Variants in TAFA2 observed in about 807,000 individuals in gnomAD.
The protein encoded by TAFA2 is chemokine-like protein TAFA-2.
A neutral mutation model predicts 18.8 loss-of-function variants in TAFA2; 7 were observed. That is an observed-to-expected ratio of 0.37 (90% CI 0.21 to 0.70). The LOEUF (loss-of-function observed/expected upper bound fraction) is 0.70, where lower values mean the gene tolerates loss of function less well. Ranked by LOEUF, TAFA2 falls within the 30% of genes least tolerant of loss-of-function variation. TAFA2 has a pLI of 0.53. For missense variants in TAFA2, 122 were observed against 158.1 expected, an observed-to-expected ratio of 0.77 and a Z score of 1.23; for synonymous variants, 60 against 54.2, an observed-to-expected ratio of 1.11 and a Z score of -0.47.
chr12:62,137,789 C>T (rs1305622412), intron 1 of TAFA2, among the ~76,000 whole-genome samples: 1 of 152,088 alleles, frequency 6.6e-6, no homozygotes, highest in Non-Finnish European at 1.5e-5. Context: ...CAAAGTGATG[C>T]TTTAAGAACA....
At chr12:62,081,196 C>CA (rs956695000) in intron 1 of TAFA2, among the ~76,000 whole-genome samples, 23 of 151,234 alleles carry the variant, frequency 1.5e-4, no homozygotes, top group Admixed American at 2.0e-4. Flanking sequence ...CTCCATCTCA[C>CA]AAAAAAAATT....
At chr12:62,255,582 G>A (rs1181389960) in intron 1 of TAFA2, among the ~76,000 whole-genome samples, 1 of 152,192 alleles carries the variant, frequency 6.6e-6, no homozygotes, top group East Asian at 1.9e-4. Flanking sequence ...GCCAGGCACA[G>A]TGGCTCATGC....
At chr12:62,104,087 T>C in intron 1 of TAFA2, among the ~76,000 whole-genome samples, 1 of 152,194 alleles carries the variant, frequency 6.6e-6, no homozygotes, top group East Asian at 1.9e-4. Context: ...TCCTACAATA[T>C]AATTGAAAGC....
intron 1 of TAFA2, among the ~76,000 whole-genome samples, chr12:62,213,449 C>A (rs898866681): frequency 2.6e-5 from 4 of 152,072 alleles, no homozygotes; most frequent in African/African-American, 9.7e-5. Flanking sequence ...TTGAGACCAT[C>A]CTGATCAACA....
chr12:61,970,646 T>C (rs1173681134), intron 1 of TAFA2, among the ~76,000 whole-genome samples: 2 of 151,416 alleles, frequency 1.3e-5, no homozygotes, highest in Non-Finnish European at 3.0e-5. Context: ...GAGAAAATGA[T>C]ATAACAGAAG....
intron 2 of TAFA2, among the ~76,000 whole-genome samples, chr12:61,802,248 C>T (rs1871429046): frequency 6.6e-6 from 1 of 151,996 alleles, no homozygotes. Flanking sequence ...CCAGCAATCC[C>T]TCTGTTGGGT....
chr12:62,030,774 G>T (rs1022697130), intron 1 of TAFA2, among the ~76,000 whole-genome samples: 1 of 151,278 alleles, frequency 6.6e-6, no homozygotes, highest in Non-Finnish European at 1.5e-5. Flanking sequence ...GGAAACAGAG[G>T]TTTGTTGTTG....
chr12:62,122,573 A>G (rs1332176292), intron 1 of TAFA2, among the ~76,000 whole-genome samples: 1 of 152,194 alleles, frequency 6.6e-6, no homozygotes, highest in Non-Finnish European at 1.5e-5. Context: ...TAAAGAGGTT[A>G]ATAACTTGAG....
chr12:62,097,466 G>A (rs1356615504), intron 1 of TAFA2, among the ~76,000 whole-genome samples: 3 of 152,164 alleles, frequency 2.0e-5, no homozygotes, highest in African/African-American at 4.8e-5. Flanking sequence ...GTTGGTAAAC[G>A]GGAAGAGTGA....
chr12:61,884,042 G>A (rs561819797), intron 1 of TAFA2, among the ~76,000 whole-genome samples: 33 of 152,206 alleles, frequency 2.2e-4, no homozygotes, highest in South Asian at 1.0e-3. Context: ...TAACATATTG[G>A]TAAGATTTTA....
Position 62,120,850 on chromosome 12 carries a change from T to TTTTA in TAFA2, c.-2+70405_-2+70408dup, listed in dbSNP as rs530448694. Among the ~76,000 whole-genome samples, 296 of 151,054 alleles carry TTTTA rather than the reference T, an allele frequency of 2.0e-3. 1 individual carries two copies. The highest frequency in any genetic ancestry group is 7.0e-3 in the African/African-American group (291 of 41,334). ...TCTTTATTATTATTATTATTATTTATTTTATTTATTTATTTATTTTTGGAG... is the reference window on the plus strand; with the variant it reads ...TCTTTATTATTATTATTATTATTTATTTTATTTATTTATTTATTTATTTTTGGAG... On this transcript the variant is annotated intron_variant, in intron 1 of 4. Transcript: ENST00000416284.
chr12:62,230,339 G>C (rs2062806924), intron 1 of TAFA2, among the ~76,000 whole-genome samples: 1 of 151,750 alleles, frequency 6.6e-6, no homozygotes, highest in African/African-American at 2.4e-5. Flanking sequence ...TTTGATGTAA[G>C]CATTTATTGC....
intron 1 of TAFA2, among the ~76,000 whole-genome samples, chr12:62,008,735 G>C (rs1217140313): frequency 6.6e-6 from 1 of 152,104 alleles, no homozygotes; most frequent in Non-Finnish European, 1.5e-5. Flanking sequence ...TGTCTGTCTG[G>C]ATGCATCAGG....
At chr12:61,915,734 T>C (rs953527120) in intron 1 of TAFA2, among the ~76,000 whole-genome samples, 1 of 152,268 alleles carries the variant, frequency 6.6e-6, no homozygotes, top group South Asian at 2.1e-4. Context: ...AGCTCTGATG[T>C]CTGAGGAGAT....
intron 1 of TAFA2, among the ~76,000 whole-genome samples, chr12:61,898,532 A>C (rs576541106): frequency 1.3e-5 from 2 of 152,154 alleles, no homozygotes; most frequent in African/African-American, 4.8e-5. Flanking sequence ...GACTAACATC[A>C]TGTGGAAGCC....
intron 1 of TAFA2, among the ~76,000 whole-genome samples, chr12:61,934,200 C>T (rs1005828302): frequency 6.6e-6 from 1 of 152,192 alleles, no homozygotes; most frequent in African/African-American, 2.4e-5. Flanking sequence ...CAGCACAAGA[C>T]TGTCAGATAA....
At chr12:61,967,437 T>C (rs1390169628) in intron 1 of TAFA2, among the ~76,000 whole-genome samples, 1 of 151,842 alleles carries the variant, frequency 6.6e-6, no homozygotes, top group Non-Finnish European at 1.5e-5. Flanking sequence ...TAGCCATTCA[T>C]CATGCACCTA....
intron 1 of TAFA2, among the ~76,000 whole-genome samples, chr12:62,053,672 AC>A (rs1301839570): frequency 1.3e-5 from 2 of 152,206 alleles, no homozygotes; most frequent in African/African-American, 2.4e-5. Context: ...AGGACTCTCT[AC>A]CCCTTTTCGC....
At chr12:61,806,877 A>G (rs748502122) in intron 2 of TAFA2, among the ~76,000 whole-genome samples, 6 of 152,214 alleles carry the variant, frequency 3.9e-5, no homozygotes, top group Non-Finnish European at 5.9e-5. Flanking sequence ...AGAAAATGCT[A>G]AGCAGCAAAG....
Sources: allele counts gnomAD v4.1 joint callset (sites outside exome capture counted in the v4.1 genomes callset), GRCh38; gene constraint gnomAD v4.1.1; transcripts MANE v1.5; gene names NCBI Gene and HGNC (gene_info 2026-07-23, HGNC 2026-07-21).